SH3D19: variants seen among roughly 807,000 people sequenced by gnomAD.
The protein encoded by SH3D19 is SH3 domain containing 19, also known as SH3 domain-containing protein 19.
A neutral mutation model predicts 112.1 loss-of-function variants in SH3D19; 58 were observed. The ratio of observed to expected loss-of-function variants is 0.52; its 90% CI spans 0.42 to 0.64. SH3D19 has a LOEUF of 0.64. Ranked by LOEUF, SH3D19 falls within the 30% of genes least tolerant of loss-of-function variation. SH3D19 has a pLI of 0.00. For synonymous variants in SH3D19, 391 were observed against 448.5 expected, an observed-to-expected ratio of 0.87 and a Z score of 1.62; for missense variants, 1,090 against 1,263.4, an observed-to-expected ratio of 0.86 and a Z score of 2.08.
chr4:151,284,682 T>A (rs1299307981), intron 1 of SH3D19, among the ~76,000 whole-genome samples: 1 of 152,200 alleles, frequency 6.6e-6, no homozygotes, highest in Non-Finnish European at 1.5e-5. Flanking sequence ...TTGGAATATA[T>A]CCTGGACAAT....
At chr4:151,321,396 C>A (rs1410444961) in intron 1 of SH3D19, among the ~76,000 whole-genome samples, 3 of 152,090 alleles carry the variant, frequency 2.0e-5, no homozygotes, top group Admixed American at 2.0e-4. Flanking sequence ...CACTAACACA[C>A]CAATCTCAGT....
At chr4:151,244,420 G>C (rs1270949042) in intron 1 of SH3D19, among the ~76,000 whole-genome samples, 2 of 152,218 alleles carry the variant, frequency 1.3e-5, no homozygotes, top group Admixed American at 6.5e-5. Context: ...CTGCAACGAA[G>C]TCGGGAAAGG....
intron 1 of SH3D19, among the ~76,000 whole-genome samples, chr4:151,244,265 G>T (rs1030947459): frequency 6.6e-6 from 1 of 152,020 alleles, no homozygotes; most frequent in Non-Finnish European, 1.5e-5. Flanking sequence ...AAGGGTTTTT[G>T]GTTTTGTTTT....
chr4:151,168,593 C>T (rs934133080), intron 7 of SH3D19, among the ~76,000 whole-genome samples: 11 of 151,932 alleles, frequency 7.2e-5, no homozygotes, highest in Non-Finnish European at 1.6e-4. Flanking sequence ...TGCCACCATG[C>T]CTGGCTAATT....
intron 1 of SH3D19, among the ~76,000 whole-genome samples, chr4:151,254,121 A>G (rs1167154171): frequency 1.3e-5 from 2 of 152,196 alleles, no homozygotes; most frequent in East Asian, 3.8e-4. Context: ...AACATGCGTT[A>G]CCCTCTGTGT....
chr4:151,286,742 G>A (rs1176565899), intron 1 of SH3D19, among the ~76,000 whole-genome samples: 1 of 151,844 alleles, frequency 6.6e-6, no homozygotes, highest in Non-Finnish European at 1.5e-5. Context: ...TACTTTAGGA[G>A]GCCAAGGCGG....
At chr4:151,325,147 G>T in intron 1 of SH3D19, 94 bp downstream of exon 1, 2 of 604,954 alleles carry the variant, frequency 3.3e-6, no homozygotes, top group Non-Finnish European at 2.4e-6. Context: ...CCATCCCGGC[G>T]CGTGAAGGAG....
chr4:151,256,118 A>G (rs1456514739), intron 1 of SH3D19, among the ~76,000 whole-genome samples: 1 of 151,986 alleles, frequency 6.6e-6, no homozygotes, highest in Non-Finnish European at 1.5e-5. Flanking sequence ...CTATATATAA[A>G]TTGTATACTT....
intron 1 of SH3D19, among the ~76,000 whole-genome samples, chr4:151,232,045 A>T (rs1487233832): frequency 6.6e-6 from 1 of 152,120 alleles, no homozygotes; most frequent in African/African-American, 2.4e-5. Flanking sequence ...TTAGCTGGAC[A>T]TGGTGGCGCA....
chr4:151,139,351 A>T (rs1752548473), intron 13 of SH3D19, among the ~76,000 whole-genome samples: 1 of 151,254 alleles, frequency 6.6e-6, no homozygotes, highest in Non-Finnish European at 1.5e-5. Flanking sequence ...ACGGGGTTTC[A>T]CCATGTTAGC....
chr4:151,160,883 C>T (rs897424850), intron 8 of SH3D19, among the ~76,000 whole-genome samples: 10 of 152,056 alleles, frequency 6.6e-5, no homozygotes, highest in African/African-American at 2.4e-4. Context: ...TGCAGTGGCT[C>T]TGGGAATTAA....
intron 1 of SH3D19, among the ~76,000 whole-genome samples, chr4:151,250,329 T>A (rs928874652): frequency 6.6e-6 from 1 of 152,190 alleles, no homozygotes. Context: ...GGTCGGTACA[T>A]AGTGGCATGG....
At position 151,121,824 on chromosome 4, in the gene SH3D19, C is replaced by T. The variant is rs1748013629; in HGVS notation, c.*267G>A. The stretch of plus-strand genomic sequence containing the variant: ...TGAGCCTCCCCATGCTGCCATGCCA[C>T]CAGATGCTTTCCCTTCACCTTGCTA... On this transcript the variant is annotated 3_prime_UTR_variant, in exon 20 of 20. Transcript: ENST00000604030. 1 of 279,786 alleles carries T rather than the reference C, an allele frequency of 3.6e-6. No homozygotes were observed. Among genetic ancestry groups the T allele is most frequent in the Admixed American group, 5.2e-5 (1 of 19,062 alleles). The allele number at this position is 279,786 out of a possible 1,614,324, so 17.3% of individuals were successfully genotyped here. A position where few individuals can be genotyped will look rare whatever the true frequency, so the allele number is the denominator to read the frequency against.
chr4:151,222,922 C>T (rs1768331502), intron 2 of SH3D19, among the ~76,000 whole-genome samples: 1 of 151,836 alleles, frequency 6.6e-6, no homozygotes, highest in East Asian at 1.9e-4. Context: ...CTGCCTTGGC[C>T]TCCCAAAATG....
intron 13 of SH3D19, among the ~76,000 whole-genome samples, chr4:151,138,072 T>G (rs1386278821): frequency 6.6e-6 from 1 of 152,172 alleles, no homozygotes; most frequent in Non-Finnish European, 1.5e-5. Flanking sequence ...TTAGACACAT[T>G]TACCATGCTT....
intron 1 of SH3D19, chr4:151,283,025 T>C: frequency 5.3e-6 from 6 of 1,137,172 alleles, no homozygotes; most frequent in Non-Finnish European, 7.5e-6. Context: ...GCTTTTGGAT[T>C]CCCATTCAGA....
chr4:151,121,071 T>G lies in SH3D19; in HGVS notation c.*1020A>C, dbSNP rs781031117. 6.6e-6 allele frequency: 1 copy of G among 152,584 alleles called. No homozygotes were observed. Among genetic ancestry groups the G allele is most frequent in the Non-Finnish European group, 1.5e-5 (1 of 68,036 alleles). The allele number at this position is 152,584 out of a possible 1,614,324, so 9.5% of individuals were successfully genotyped here. Reference sequence around the variant, plus strand: ...CTAGAGAAAAAATAAAACAAAAAAGTACCAGTCTTCTGTCCTCTTAAATTA... The same window carrying G: ...CTAGAGAAAAAATAAAACAAAAAAGGACCAGTCTTCTGTCCTCTTAAATTA... On this transcript the variant is annotated 3_prime_UTR_variant, in exon 20 of 20. Transcript: ENST00000604030.
chr4:151,233,223 G>C (rs1490565117), intron 1 of SH3D19, among the ~76,000 whole-genome samples: 1 of 151,770 alleles, frequency 6.6e-6, no homozygotes. Context: ...CTACATTATG[G>C]TGAGTTGTAT....
intron 1 of SH3D19, among the ~76,000 whole-genome samples, chr4:151,286,777 C>T (rs1264222923): frequency 6.6e-6 from 1 of 151,342 alleles, no homozygotes. Flanking sequence ...GCCAGGAGTT[C>T]GAGACGAGCC....
Sources: allele counts gnomAD v4.1 joint callset (sites outside exome capture counted in the v4.1 genomes callset), GRCh38; gene constraint gnomAD v4.1.1; transcripts MANE v1.5; gene names NCBI Gene and HGNC (gene_info 2026-07-23, HGNC 2026-07-21).